Variants in ZNF621 observed in about 807,000 individuals in gnomAD.
The protein encoded by ZNF621 is zinc finger protein 621.
A neutral mutation model predicts 12.7 loss-of-function variants in ZNF621; 6 were observed. That is an observed-to-expected ratio of 0.47 (90% CI 0.26 to 0.93). The LOEUF is 0.93. ZNF621 is among the 40% of genes least tolerant of loss of function. The pLI is 0.15. For synonymous variants in ZNF621, 156 were observed against 190.3 expected (o/e 0.82, Z 1.48); for missense variants, 474 against 524.0 (o/e 0.90, Z 0.93).
intron 2 of ZNF621, among the ~76,000 whole-genome samples, chr3:40,528,158 C>G (rs939353128): frequency 1.3e-5 from 2 of 152,188 alleles, no homozygotes; most frequent in African/African-American, 4.8e-5. Flanking sequence ...TCCCCTTAGT[C>G]CCGTCCCAAT....
In ZNF621 at chr3:40,532,731, T is replaced by G; in HGVS notation, c.961T>G (p.Cys321Gly). The G allele has an allele frequency of 1.2e-6, 2 of 1,614,204 alleles. No homozygotes were observed. The highest frequency in any genetic ancestry group is 1.7e-6 in the Non-Finnish European group (2 of 1,180,040). ...RVHTGEKPYE[C>G]KVCGKAFKWY... ...TCACACTGGGGAGAAGCCTTATGAATGTAAGGTGTGTGGGAAAGCCTTCAA... is the reference window on the plus strand; with the variant it reads ...TCACACTGGGGAGAAGCCTTATGAAGGTAAGGTGTGTGGGAAAGCCTTCAA... Residue 321 changes from cysteine (C) to glycine (G), a missense_variant, in exon 5 of 5, where the codon TGT (cysteine) becomes GGT (glycine). Cys to Gly is a radical substitution (Grantham distance 159, BLOSUM62 -3). Transcript: ENST00000339296.
Position 40,535,853 on chromosome 3 carries a change from G to C in ZNF621, c.*2763G>C, listed in dbSNP as rs1356031426. Reference sequence around the variant, plus strand: ...ATGCACTATATTCATGGGTAGGAAAGATTAGTTTCATCAAGATTTCAATTT... The same window carrying C: ...ATGCACTATATTCATGGGTAGGAAACATTAGTTTCATCAAGATTTCAATTT... On this transcript the variant is annotated 3_prime_UTR_variant, in exon 5 of 5. Coordinates refer to ENST00000339296, the MANE Select transcript of ZNF621 (RefSeq NM_198484.5). 3 of 152,086 alleles carry C rather than the reference G, an allele frequency of 2.0e-5. No homozygotes were observed. Among genetic ancestry groups the C allele is most frequent in the Non-Finnish European group, 4.4e-5 (3 of 68,016 alleles). 9.4% of individuals were successfully genotyped at this position (152,086 alleles called of 1,614,324 possible).
At chr3:40,525,955 G>T in intron 2 of ZNF621, 91 bp downstream of exon 2, 1 of 1,465,634 alleles carries the variant, frequency 6.8e-7, no homozygotes, top group Non-Finnish European at 9.4e-7. Flanking sequence ...GATGAGGAAG[G>T]CCTAACTTGG....
At chr3:40,524,459 G>A (rs1698528374), upstream of ZNF621, among the ~76,000 whole-genome samples, 3 of 152,184 alleles carry the variant, frequency 2.0e-5, no homozygotes, top group African/African-American at 7.2e-5. Context: ...GTCCTAAAAG[G>A]TTCTACGCAC....
chr3:40,530,210 A>G lies in ZNF621; in HGVS notation c.153A>G (p.Val51=), dbSNP rs1444609464. The G allele has an allele frequency of 3.7e-6, 6 of 1,612,814 alleles. No individual in the cohort carries two copies. In the South Asian group the frequency reaches 6.6e-5, roughly 18 times the overall value. ...LENYANVASL[V]AFPFPKPALI... ...TGTCTTTCTCTTTTCTTCATGAAGTAGCGTTTCCATTCCCCAAACCTGCTC... is the reference window on the plus strand; with the variant it reads ...TGTCTTTCTCTTTTCTTCATGAAGTGGCGTTTCCATTCCCCAAACCTGCTC... Residue 51 remains valine (V), a splice_region_variant and synonymous_variant, in exon 4 of 5, where the codon GTA becomes GTG. Transcript: ENST00000339296.
rs765307678 is a variant in ZNF621, at chr3:40,529,351, C to T, written c.57C>T (p.Tyr19=). ...ESVTFEDVAV[Y]FTQNQWASLD... is the part of the protein sequence containing the mutation. Reference sequence around the variant, plus strand: ...TGACCTTTGAGGATGTGGCTGTTTACTTCACCCAGAATCAATGGGCCAGCC... The same window carrying T: ...TGACCTTTGAGGATGTGGCTGTTTATTTCACCCAGAATCAATGGGCCAGCC... Residue 19 remains tyrosine (Y), a synonymous_variant, in exon 3 of 5, where the codon TAC becomes TAT. Coordinates refer to ENST00000339296, the MANE Select transcript of ZNF621 (RefSeq NM_198484.5). 1 of 1,613,824 alleles carries T rather than the reference C, an allele frequency of 6.2e-7. No homozygotes were observed. Among genetic ancestry groups the T allele is most frequent in the Non-Finnish European group, 8.5e-7 (1 of 1,179,786 alleles).
intron 2 of ZNF621, among the ~76,000 whole-genome samples, chr3:40,528,124 T>C (rs928503683): frequency 5.3e-5 from 8 of 152,244 alleles, no homozygotes; most frequent in Non-Finnish European, 1.0e-4. Context: ...AAATACCTTA[T>C]GCTCCTCTTA....
At position 40,533,017 on chromosome 3, in the gene ZNF621, G is replaced by A. The variant is rs753665824; in HGVS notation, c.1247G>A (p.Arg416His). ...GIPSSSAQIV[R>H]VFQGLTPTVK... Reference sequence around the variant, plus strand: ...CCTTCTTCATCTGCCCAAATAGTGCGTGTCTTCCAGGGTCTTACTCCCACT... The same window carrying A: ...CCTTCTTCATCTGCCCAAATAGTGCATGTCTTCCAGGGTCTTACTCCCACT... The change falls in exon 5 of 5, where the codon CGT becomes CAT. Residue 416 changes from arginine (R) to histidine (H), a missense_variant. Transcript: ENST00000339296. 2.3e-4 allele frequency: 354 copies of A among 1,551,554 alleles called. No individual in the cohort carries two copies. The highest frequency in any genetic ancestry group is 2.5e-4 in the African/African-American group (18 of 73,016).
Position 40,529,360 on chromosome 3 carries a change from G to C in ZNF621, c.66G>C (p.Gln22His). 1.9e-6 allele frequency: 3 copies of C among 1,613,896 alleles called. No homozygotes were observed. Among genetic ancestry groups the C allele is most frequent in the Non-Finnish European group, 2.5e-6 (3 of 1,179,848 alleles). Residue 22 changes from glutamine to histidine, a missense_variant, in exon 3 of 5, where the codon CAG becomes CAC. Gln to His is a conservative substitution (Grantham distance 24, BLOSUM62 0). Coordinates refer to ENST00000339296, the MANE Select transcript of ZNF621 (RefSeq NM_198484.5). ...AGGATGTGGCTGTTTACTTCACCCA[G>C]AATCAATGGGCCAGCCTCGACCCTG... ...TFEDVAVYFT[Q>H]NQWASLDPAQ...
rs1489556562 is a variant in ZNF621 at position 40,536,924 on chromosome 3, G to T, written c.*3834G>T. On this transcript the variant is annotated 3_prime_UTR_variant, in exon 5 of 5. Coordinates refer to ENST00000339296, the MANE Select transcript of ZNF621 (RefSeq NM_198484.5). Reference sequence around the variant, plus strand: ...GATTAGTGACTTTTATGTTTCTATTGTAATTGTTTTGGGGTGCCACAGACT... The same window carrying T: ...GATTAGTGACTTTTATGTTTCTATTTTAATTGTTTTGGGGTGCCACAGACT... The T allele has an allele frequency of 6.6e-6, 1 of 151,976 alleles. No individual in the cohort carries two copies. The highest frequency in any genetic ancestry group is 1.5e-5 in the Non-Finnish European group (1 of 67,986). The allele number at this position is 151,976 out of a possible 1,614,324, so 9.4% of individuals were successfully genotyped here. A position where few individuals can be genotyped will look rare whatever the true frequency, so the allele number is the denominator to read the frequency against.
At position 40,529,187 on chromosome 3, in the gene ZNF621, C is replaced by T. The variant is rs531408323; in HGVS notation, c.25-132C>T. On this transcript the variant is annotated intron_variant, in intron 2 of 4. Transcript: ENST00000339296. ...GCCCCTGGCTGTGGTGGTGGGTGTT[C>T]TTGTTGAGCAGACCTTACATGGGGC... 3.0e-4 allele frequency: 330 copies of T among 1,106,324 alleles called. No individual in the cohort carries two copies. The Middle Eastern group carries it at 4.4e-3, about 15-fold the overall frequency. 68.5% of individuals were successfully genotyped at this position (1,106,324 alleles called of 1,614,324 possible).
At chr3:40,531,735 G>A (rs894916302) in intron 4 of ZNF621, among the ~76,000 whole-genome samples, 1 of 151,896 alleles carries the variant, frequency 6.6e-6, no homozygotes, top group Non-Finnish European at 1.5e-5. Flanking sequence ...GCTAATTTTT[G>A]TATTTTTTTG....
Position 40,533,288 on chromosome 3 carries a change from G to A in ZNF621, c.*198G>A, listed in dbSNP as rs1350214128. The A allele has an allele frequency of 2.0e-5, 16 of 805,892 alleles. No individual in the cohort carries two copies. Among genetic ancestry groups the A allele is most frequent in the African/African-American group, 6.9e-5 (4 of 57,738 alleles). 49.9% of individuals were successfully genotyped at this position (805,892 alleles called of 1,614,324 possible). ...CTCGAATAGCTGGGATTACAGGCAC[G>A]CCTCACCACGCCCAGCTAATTTCTG... On this transcript the variant is annotated 3_prime_UTR_variant, in exon 5 of 5. Coordinates refer to ENST00000339296, the MANE Select transcript of ZNF621 (RefSeq NM_198484.5).
At chr3:40,531,650 C>T (rs1698728163) in intron 4 of ZNF621, among the ~76,000 whole-genome samples, 1 of 152,164 alleles carries the variant, frequency 6.6e-6, no homozygotes, top group Admixed American at 6.5e-5. Context: ...GCAACCTCTG[C>T]CTCCCGGGCT....
chr3:40,524,444 A>C (rs1698528052), upstream of ZNF621, among the ~76,000 whole-genome samples: 1 of 152,186 alleles, frequency 6.6e-6, no homozygotes, highest in African/African-American at 2.4e-5. Flanking sequence ...TTGTTAAATG[A>C]ATCTGTCCTA....
At position 40,525,009 on chromosome 3, in the gene ZNF621, G is replaced by A. The variant is rs1343069182; in HGVS notation, c.-328G>A. ...GACCAGCTCCTCGGCGTTCTGCAGA[G>A]CGTGGGTTTCAGCGAGTTCTACGTG... On this transcript the variant is annotated 5_prime_UTR_variant, in exon 1 of 5. Transcript: ENST00000339296. 6.6e-6 allele frequency: 1 copy of A among 152,408 alleles called. No homozygotes were observed. Among genetic ancestry groups the A allele is most frequent in the Non-Finnish European group, 1.5e-5 (1 of 68,170 alleles). The allele number at this position is 152,408 out of a possible 1,614,324, so 9.4% of individuals were successfully genotyped here.
chr3:40,523,890 C>A (rs1206656726), upstream of ZNF621, among the ~76,000 whole-genome samples: 2 of 151,866 alleles, frequency 1.3e-5, no homozygotes, highest in Non-Finnish European at 2.9e-5. Flanking sequence ...GAGGTACTTG[C>A]CAATGAGCTG....
Position 40,532,794 on chromosome 3 carries a change from C to T in ZNF621, c.1024C>T (p.Pro342Ser). 6.2e-7 allele frequency: 1 copy of T among 1,614,112 alleles called. No individual in the cohort carries two copies. The highest frequency in any genetic ancestry group is 8.5e-7 in the Non-Finnish European group (1 of 1,180,030). Residue 342 changes from proline (P) to serine (S), a missense_variant, in exon 5 of 5, where the codon CCT (proline) becomes TCT (serine). Pro to Ser is a moderately conservative substitution (Grantham distance 74). Transcript: ENST00000339296. ...GSFVQHQKLH[P>S]VEKKPVKVLG... The stretch of plus-strand genomic sequence containing the variant: ...TTTTGTTCAGCATCAGAAATTGCAC[C>T]CTGTGGAGAAGAAGCCAGTCAAGGT...
intron 2 of ZNF621, among the ~76,000 whole-genome samples, chr3:40,527,088 G>A (rs985789314): frequency 4.6e-5 from 7 of 152,134 alleles, no homozygotes; most frequent in Admixed American, 4.6e-4. Context: ...TGCGATCTTC[G>A]CTCACTGCAA....
Sources: gnomAD v4.1 joint callset for allele counts (sites outside exome capture counted in the v4.1 genomes callset) on GRCh38, gnomAD v4.1.1 for gene constraint, MANE v1.5 for transcripts, NCBI Gene and HGNC (gene_info 2026-07-23, HGNC 2026-07-21) for gene names.